POLR3A: variants seen among roughly 807,000 people sequenced by gnomAD.
POLR3A encodes the protein DNA-directed RNA polymerase III subunit RPC1.
In POLR3A, 112 loss-of-function variants were observed where a neutral mutation model predicts 152.8. The observed-to-expected ratio is 0.73, with a 90% confidence interval of 0.63 to 0.86. POLR3A has a LOEUF of 0.86. POLR3A is among the 40% of genes least tolerant of loss of function. The pLI is 0.00. For missense variants in POLR3A, 1,385 were observed against 1,743.1 expected, an observed-to-expected ratio of 0.79 and a Z score of 3.66; for synonymous variants, 615 against 652.1, an observed-to-expected ratio of 0.94 and a Z score of 0.87.
chr10:77,985,208 G>C lies in POLR3A; in HGVS notation c.3204C>G (p.Pro1068=). 6.2e-7 allele frequency: 1 copy of C among 1,614,136 alleles called. No homozygotes were observed. The highest frequency in any genetic ancestry group is 1.1e-5 in the South Asian group (1 of 91,084). ...AAGCGTTGATGATCTCTTTAATCCGGGGCACGCCCAGGGTGATGTTCATGG... is the reference window on the plus strand; with the variant it reads ...AAGCGTTGATGATCTCTTTAATCCGCGGCACGCCCAGGGTGATGTTCATGG... The part of the protein sequence containing the change: ...VASMNITLGV[P]RIKEIINASK... The change falls in exon 24 of 31, where the codon CCC becomes CCG. Residue 1068 remains proline, a synonymous_variant. Transcript: ENST00000372371.
rs1847363468 is a variant in POLR3A at position 78,002,179 on chromosome 10, A to G, written c.2359+18T>C. The G allele has an allele frequency of 1.3e-6, 2 of 1,503,492 alleles. No individual in the cohort carries two copies. Among genetic ancestry groups the G allele is most frequent in the Admixed American group, 1.9e-5 (1 of 51,894 alleles). 93.1% of individuals were successfully genotyped at this position (1,503,492 alleles called of 1,614,324 possible). A position where few individuals can be genotyped will look rare whatever the true frequency, so the allele number is the denominator to read the frequency against. ...ACGGAGAACACACTGCCAGCAGGTG[A>G]GAGAGGGGCATGCAGACCTTTGGAG... On this transcript the variant is annotated intron_variant, in intron 17 of 30. Transcript: ENST00000372371.
At chr10:77,988,688 C>T (rs912097847) in intron 21 of POLR3A, among the ~76,000 whole-genome samples, 3 of 152,168 alleles carry the variant, frequency 2.0e-5, no homozygotes, top group African/African-American at 7.2e-5. Flanking sequence ...CCTCTTCTGG[C>T]ATGGCTCTAA....
intron 1 of POLR3A, among the ~76,000 whole-genome samples, chr10:78,028,518 C>CT (rs1554840966): frequency 9.4e-5 from 14 of 149,710 alleles, no homozygotes; most frequent in South Asian, 4.2e-4. Context: ...GATGAATTCA[C>CT]TTTTTTTTTT....
At chr10:78,002,141 C>T in intron 17 of POLR3A, 56 bp downstream of exon 17, 1 of 1,049,018 alleles carries the variant, frequency 9.5e-7, no homozygotes, top group Non-Finnish European at 1.4e-6. Flanking sequence ...TTTTCTGGAG[C>T]CAAACAGCCT....
Position 78,023,458 on chromosome 10 carries a change from T to TA in POLR3A, c.646-1075dup, listed in dbSNP as rs1189366971. On this transcript the variant is annotated intron_variant, in intron 5 of 30. Coordinates refer to ENST00000372371, the MANE Select transcript of POLR3A (RefSeq NM_007055.4). ...CTGGGTGACTGAGCAACTCTGTCTC[T>TA]AAAAAAAAAAAGTGTTACTGTTAAA... Among the ~76,000 whole-genome samples, 675 of 144,124 alleles carry TA rather than the reference T, an allele frequency of 4.7e-3. 4 individuals are homozygous for TA. Among genetic ancestry groups the TA allele is most frequent in the African/African-American group, 0.016 (615 of 39,542 alleles). 94.6% of individuals were successfully genotyped at this position (144,124 alleles called of 152,430 possible). A position where few individuals can be genotyped will look rare whatever the true frequency, so the allele number is the denominator to read the frequency against.
chr10:77,983,084 C>T (rs570013096), intron 26 of POLR3A, among the ~76,000 whole-genome samples: 6 of 152,244 alleles, frequency 3.9e-5, no homozygotes, highest in East Asian at 1.9e-4. Flanking sequence ...TGGCAACACA[C>T]GCAGCCTCTG....
At chr10:77,981,663 C>G (rs566783345) in intron 28 of POLR3A, 104 bp from the exon 29 acceptor site, 1 of 1,391,936 alleles carries the variant, frequency 7.2e-7, no homozygotes, top group African/African-American at 1.4e-5. Flanking sequence ...AACCCTGTGC[C>G]GTTTTCCAGA....
intron 24 of POLR3A, 52 bp from the exon 25 acceptor site, chr10:77,984,350 G>C (rs369869151): frequency 9.8e-7 from 1 of 1,018,220 alleles, no homozygotes; most frequent in African/African-American, 1.6e-5. Flanking sequence ...GAGGCTGTTT[G>C]AGGACTACTG....
intron 28 of POLR3A, 139 bp downstream of exon 28, chr10:77,982,015 G>C: frequency 1.5e-6 from 1 of 654,076 alleles, no homozygotes; most frequent in Non-Finnish European, 2.5e-6. Context: ...CTCCAGCCTG[G>C]GCAACAGAGC....
intron 11 of POLR3A, 45 bp downstream of exon 11, chr10:78,013,605 T>C (rs1449718114): frequency 6.2e-7 from 1 of 1,606,866 alleles, no homozygotes; most frequent in Non-Finnish European, 8.5e-7. Context: ...TTGCCTCCTT[T>C]CAAGGAGCTG....
intron 10 of POLR3A, among the ~76,000 whole-genome samples, chr10:78,014,690 A>G (rs112408783): frequency 3.3e-5 from 5 of 152,110 alleles, no homozygotes; most frequent in Admixed American, 1.3e-4. Context: ...GGCTTGAGCC[A>G]CCGCACCTGG....
At chr10:78,025,224 T>G in intron 3 of POLR3A, 82 bp from the exon 4 acceptor site, 1 of 1,476,218 alleles carries the variant, frequency 6.8e-7, no homozygotes, top group Admixed American at 1.7e-5. Context: ...TCGCCCTGTT[T>G]TGTACCCTTA....
At chr10:77,994,995 G>C (rs1313167533) in intron 19 of POLR3A, among the ~76,000 whole-genome samples, 1 of 152,142 alleles carries the variant, frequency 6.6e-6, no homozygotes, top group Non-Finnish European at 1.5e-5. Context: ...GAAGAGAGTG[G>C]GGACCAATAT....
chr10:77,993,380 G>T lies in POLR3A; in HGVS notation c.2617-13C>A. 1 of 1,611,382 alleles carries T rather than the reference G, an allele frequency of 6.2e-7. No individual in the cohort carries two copies. The highest frequency in any genetic ancestry group is 8.5e-7 in the Non-Finnish European group (1 of 1,177,592). On this transcript the variant is annotated splice_polypyrimidine_tract_variant and intron_variant, in intron 19 of 30. Transcript: ENST00000372371. Reference sequence around the variant, plus strand: ...TGACAAGCCTTCGCTAAAGGAAAAGGAGGAAAAAGCTCAGCTGCTTTGAGA... The same window carrying T: ...TGACAAGCCTTCGCTAAAGGAAAAGTAGGAAAAAGCTCAGCTGCTTTGAGA...
At chr10:78,015,262 C>T (rs1318584740) in intron 10 of POLR3A, among the ~76,000 whole-genome samples, 3 of 152,158 alleles carry the variant, frequency 2.0e-5, no homozygotes, top group African/African-American at 4.8e-5. Flanking sequence ...AAAATTATTG[C>T]ATATAGAGGA....
chr10:78,012,800 C>G (rs1374188824), intron 11 of POLR3A, among the ~76,000 whole-genome samples: 1 of 152,118 alleles, frequency 6.6e-6, no homozygotes, highest in African/African-American at 2.4e-5. Context: ...CAGCTCACTG[C>G]AGCCTCAACC....
chr10:78,000,224 C>G (rs889130596), intron 18 of POLR3A, 106 bp from the exon 19 acceptor site: 2 of 936,746 alleles, frequency 2.1e-6, no homozygotes, highest in Non-Finnish European at 3.4e-6. Flanking sequence ...CTATAAATAC[C>G]TGGCCAGTAT....
rs1847556696 is a variant in POLR3A, at chr10:78,019,441, AAGCTTCC to A, written c.1186-183_1186-177del. On this transcript the variant is annotated intron_variant, in intron 8 of 30. Transcript: ENST00000372371. The stretch of plus-strand genomic sequence containing the variant: ...TAATGTGAACAACAGACTGGCAAAC[AAGCTTCC>A]AGCTTCCAGTGTCAACTCAGCTGTT... The A allele has an allele frequency of 4.9e-6, 3 of 614,610 alleles. No individual in the cohort carries two copies. In the African/African-American group the frequency reaches 5.5e-5, roughly 11 times the overall value. The allele number at this position is 614,610 out of a possible 1,614,324, so 38.1% of individuals were successfully genotyped here. A position where few individuals can be genotyped will look rare whatever the true frequency, so the allele number is the denominator to read the frequency against.
At chr10:78,015,831 T>C (rs2067213709) in intron 10 of POLR3A, among the ~76,000 whole-genome samples, 1 of 152,120 alleles carries the variant, frequency 6.6e-6, no homozygotes. Context: ...AAAAACCTAA[T>C]AATTATATTT....
Sources: allele counts gnomAD v4.1 joint callset (sites outside exome capture counted in the v4.1 genomes callset), GRCh38; gene constraint gnomAD v4.1.1; transcripts MANE v1.5; gene names NCBI Gene and HGNC (gene_info 2026-07-23, HGNC 2026-07-21).